The following ANO1 variants were observed in gnomAD, a reference collection of about 807,000 sequenced individuals.
The protein encoded by ANO1 is anoctamin-1.
Under a neutral mutation model 124.0 loss-of-function variants are expected in ANO1, and 59 were observed. The ratio of observed to expected loss-of-function variants is 0.48; its 90% CI spans 0.39 to 0.59. The LOEUF (loss-of-function observed/expected upper bound fraction) is 0.59, where lower values mean the gene tolerates loss of function less well. Ranked by LOEUF, ANO1 falls within the 20% of genes least tolerant of loss-of-function variation. The pLI is 0.00. For missense variants in ANO1, 1,059 were observed against 1,328.0 expected (o/e 0.80, Z 3.15); for synonymous variants, 529 against 532.0 (o/e 0.99, Z 0.08).
intron 18 of ANO1, among the ~76,000 whole-genome samples, chr11:70,162,733 C>T (rs779246105): frequency 1.3e-5 from 2 of 152,176 alleles, no homozygotes; most frequent in African/African-American, 2.4e-5. Flanking sequence ...CCCAGGGCCC[C>T]GCCAAGGGGT....
chr11:70,180,504 C>T (rs1015516791), intron 23 of ANO1, among the ~76,000 whole-genome samples: 2 of 152,130 alleles, frequency 1.3e-5, no homozygotes, highest in African/African-American at 2.4e-5. Context: ...AACTCCTGAC[C>T]TCAGGTGATT....
intron 16 of ANO1, among the ~76,000 whole-genome samples, chr11:70,158,852 C>CCCCCTCGG (rs2047930200): frequency 2.1e-4 from 2 of 9,340 alleles, no homozygotes; most frequent in East Asian, 6.9e-3. Flanking sequence ...TCGGTGGGGG[C>CCCCCTCGG]TGGGGGCTGG....
At position 70,133,992 on chromosome 11, in the gene ANO1, C is replaced by G. The variant is rs1020190402; in HGVS notation, c.1258+1913C>G. 3.9e-5 allele frequency among the ~76,000 whole-genome samples: 6 copies of G among 152,208 alleles called. No individual in the cohort carries two copies. In the East Asian group the frequency reaches 1.2e-3, roughly 29 times the overall value. ...GGCCGCCAGCTCTGAGCATGGGTGC[C>G]GGCAATGGTGAGAGTTGGAGCTTCT... On this transcript the variant is annotated intron_variant, in intron 11 of 25. Coordinates refer to ENST00000355303, the MANE Select transcript of ANO1 (RefSeq NM_018043.7).
At chr11:69,985,365 AAT>A (rs1856017376), upstream of ANO1, among the ~76,000 whole-genome samples, 1 of 150,814 alleles carries the variant, frequency 6.6e-6, no homozygotes, top group Non-Finnish European at 1.5e-5. Flanking sequence ...GGCAGAGGCG[AAT>A]TTCTGGATTC....
At chr11:70,159,080 C>T (rs538918522) in intron 16 of ANO1, among the ~76,000 whole-genome samples, 3 of 152,268 alleles carry the variant, frequency 2.0e-5, no homozygotes, top group East Asian at 1.9e-4. Flanking sequence ...AGGAGGTGGC[C>T]GTCTAGGGCT....
At position 70,008,680 on chromosome 11, in the gene ANO1, C is replaced by T. The variant is rs545871243; in HGVS notation, c.58+22514C>T. On this transcript the variant is annotated intron_variant, in intron 1 of 27. Coordinates refer to the ANO1 transcript ENST00000531349. ...TTTAAGGCGTGATATTTGCCTTCAT[C>T]TTTGGCAACATGCACCTCAAACTGC... 1.2e-4 allele frequency among the ~76,000 whole-genome samples: 18 copies of T among 150,116 alleles called. No homozygotes were observed. The South Asian group carries it at 3.2e-3, about 26-fold the overall frequency.
At chr11:70,163,975 A>G (rs1049428077) in intron 19 of ANO1, among the ~76,000 whole-genome samples, 1 of 151,898 alleles carries the variant, frequency 6.6e-6, no homozygotes. Flanking sequence ...TGAGGACAAA[A>G]CAGAACTTGG....
rs140188462 is a variant in ANO1 at position 70,159,027 on chromosome 11, G to A, written c.1578+2006G>A. 4.5e-4 allele frequency among the ~76,000 whole-genome samples: 68 copies of A among 152,308 alleles called. 1 individual carries two copies. The East Asian group carries it at 8.1e-3, about 18-fold the overall frequency. ...CTGAGGTTCAGCCACTCCCACTGCA[G>A]AAGCAGCAGCATTGTCGCAGAAGGG... is the stretch of plus-strand genomic sequence containing the variant. On this transcript the variant is annotated intron_variant, in intron 16 of 25. Transcript: ENST00000355303.
At chr11:70,009,415 C>T (rs990464337) in intron 1 of ANO1, among the ~76,000 whole-genome samples, 1 of 152,182 alleles carries the variant, frequency 6.6e-6, no homozygotes, top group Non-Finnish European at 1.5e-5. Context: ...GGGCCTCTGA[C>T]ATCTGCTGCT....
In ANO1 at chr11:70,103,102, GC is replaced by G; in HGVS notation, c.483del (p.Trp162GlyfsTer11). 6.2e-7 allele frequency: 1 copy of G among 1,612,916 alleles called. No individual in the cohort carries two copies. The highest frequency in any genetic ancestry group is 8.5e-7 in the Non-Finnish European group (1 of 1,179,526). ...CGGAGTCGGGTTTGTGAAAATCCAT[GC>G]CCCCTGGAACGTGCTGTGCAGAGAG... is the stretch of plus-strand genomic sequence containing the variant. ...IHGVGFVKIH[A>X]PWNVLCREAE... On this transcript the variant is annotated frameshift_variant, in exon 3 of 26. Transcript: ENST00000355303. LOFTEE classifies it high-confidence loss of function.
intron 1 of ANO1, among the ~76,000 whole-genome samples, chr11:70,038,235 T>C (rs1214410363): frequency 6.6e-6 from 1 of 152,180 alleles, no homozygotes; most frequent in African/African-American, 2.4e-5. Context: ...TGCCATTCCT[T>C]ATTTGGAAAC....
At chr11:69,978,346 T>TTTTTTGG in the ANO1 span, among the ~76,000 whole-genome samples, 1 of 151,966 alleles carries the variant, frequency 6.6e-6, no homozygotes, top group Non-Finnish European at 1.5e-5. Flanking sequence ...TTTTTTCTTG[T>TTTTTTGG]TTTTTGGTTT....
intron 20 of ANO1, among the ~76,000 whole-genome samples, chr11:70,165,912 C>T (rs2048238000): frequency 6.6e-6 from 1 of 151,866 alleles, no homozygotes; most frequent in African/African-American, 2.4e-5. Flanking sequence ...CCCAGCTACT[C>T]AGGAGGCTGA....
chr11:70,152,541 T>C, intron 13 of ANO1, 80 bp downstream of exon 13: 1 of 1,511,126 alleles, frequency 6.6e-7, no homozygotes, highest in Non-Finnish European at 9.1e-7. Flanking sequence ...ACCTAATCTC[T>C]TTCTACCACG....
intron 2 of ANO1, among the ~76,000 whole-genome samples, chr11:70,088,750 G>C (rs7939552): frequency 0.63 from 95,661 of 151,794 alleles, 30,308 homozygotes; most frequent in East Asian, 0.73. Context: ...GGAGGACAAA[G>C]CTCTCCTGGG....
intron 1 of ANO1, among the ~76,000 whole-genome samples, chr11:70,062,859 C>A (rs1217055030): frequency 6.6e-6 from 1 of 152,204 alleles, no homozygotes; most frequent in Non-Finnish European, 1.5e-5. Context: ...CGTTGGACTT[C>A]CCTGGGGCAC....
At chr11:70,170,773 C>A in intron 21 of ANO1, 114 bp from the exon 22 acceptor site, 1 of 1,352,906 alleles carries the variant, frequency 7.4e-7, no homozygotes, top group Non-Finnish European at 1.0e-6. Context: ...CAGGTGGGCT[C>A]GTTGGAGGTG....
At chr11:70,152,865 C>T (rs1463075573) in intron 13 of ANO1, among the ~76,000 whole-genome samples, 192 bp from the exon 14 acceptor site, 1 of 152,228 alleles carries the variant, frequency 6.6e-6, no homozygotes, top group Non-Finnish European at 1.5e-5. Flanking sequence ...TCCCCACAAG[C>T]GGGATGATCC....
intron 1 of ANO1, among the ~76,000 whole-genome samples, chr11:70,018,081 A>G (rs1231268106): frequency 6.6e-6 from 1 of 152,116 alleles, no homozygotes; most frequent in East Asian, 1.9e-4. Context: ...GAGGCCAGGC[A>G]TGGTGGCTCA....
Sources: gnomAD v4.1 joint callset for allele counts (sites outside exome capture counted in the v4.1 genomes callset) on GRCh38, gnomAD v4.1.1 for gene constraint, MANE v1.5 for transcripts, NCBI Gene and HGNC (gene_info 2026-07-23, HGNC 2026-07-21) for gene names.